SOX5: variants seen among roughly 807,000 people sequenced by gnomAD.
SOX5 encodes SRY-box transcription factor 5.
A neutral mutation model predicts 92.0 loss-of-function variants in SOX5; 9 were observed. That is an observed-to-expected ratio of 0.10 (90% CI 0.06 to 0.17). SOX5 has a LOEUF of 0.17. Ranked by LOEUF, SOX5 falls within the 10% of genes least tolerant of loss-of-function variation. SOX5 has a pLI of 1.00. For missense variants in SOX5, 642 were observed against 944.5 expected (o/e 0.68, Z 4.20); for synonymous variants, 344 against 336.3 (o/e 1.02, Z -0.25).
intron 4 of SOX5, among the ~76,000 whole-genome samples, chr12:24,146,737 G>GAAAAAAAAA (rs71059979): frequency 2.5e-5 from 3 of 119,426 alleles, no homozygotes; most frequent in African/African-American, 9.3e-5. Context: ...TGGTCAGGAG[G>GAAAAAAAAA]AAAAAAAAAA....
intron 1 of SOX5, among the ~76,000 whole-genome samples, chr12:23,909,948 G>GT (rs952301365): frequency 1.4e-4 from 21 of 150,074 alleles, no homozygotes; most frequent in Admixed American, 9.3e-4. Context: ...CTTTTTTTTT[G>GT]TTTTTTGTTT....
chr12:24,423,543 G>A (rs984299350), intron 1 of SOX5, among the ~76,000 whole-genome samples: 9 of 152,120 alleles, frequency 5.9e-5, no homozygotes, highest in Admixed American at 1.3e-4. Context: ...CCTTCTACAC[G>A]GAGCATTTCA....
intron 2 of SOX5, among the ~76,000 whole-genome samples, chr12:23,858,680 C>G (rs889285094): frequency 6.6e-6 from 1 of 152,140 alleles, no homozygotes; most frequent in Non-Finnish European, 1.5e-5. Flanking sequence ...TTTGACTCAG[C>G]AATCCTATTA....
At chr12:23,835,183 C>T (rs1481261157) in intron 3 of SOX5, among the ~76,000 whole-genome samples, 6 of 151,698 alleles carry the variant, frequency 4.0e-5, no homozygotes, top group Non-Finnish European at 8.8e-5. Flanking sequence ...TAGTCGGTTG[C>T]CTTCGATTTG....
intron 6 of SOX5, among the ~76,000 whole-genome samples, chr12:23,715,861 C>A (rs1319790127): frequency 7.1e-6 from 1 of 139,924 alleles, no homozygotes; most frequent in African/African-American, 2.7e-5. Flanking sequence ...GCTAACAAAT[C>A]AGTTAACAAT....
At chr12:24,261,540 C>T (rs1158562602) in intron 3 of SOX5, among the ~76,000 whole-genome samples, 1 of 152,158 alleles carries the variant, frequency 6.6e-6, no homozygotes, top group Non-Finnish European at 1.5e-5. Context: ...ATCTTTGAGG[C>T]CATAAACACA....
chr12:24,034,506 A>G (rs1445587274), intron 4 of SOX5, among the ~76,000 whole-genome samples: 1 of 150,964 alleles, frequency 6.6e-6, no homozygotes, highest in African/African-American at 2.4e-5. Context: ...ACCAATAACT[A>G]TTTCACTTCT....
intron 1 of SOX5, among the ~76,000 whole-genome samples, chr12:24,490,128 G>A (rs1391470357): frequency 6.6e-6 from 1 of 152,166 alleles, no homozygotes; most frequent in Non-Finnish European, 1.5e-5. Flanking sequence ...ATAAAACAAT[G>A]ACACAGAACA....
rs185145438 is a variant in SOX5, at chr12:24,501,584, G to C, written c.-251+60745C>G. On this transcript the variant is annotated intron_variant, in intron 1 of 4. Coordinates refer to the SOX5 transcript ENST00000446891. Reference sequence around the variant, plus strand: ...CTCACACCTGTGATTCCAACACTTTGGGAGGCTGAGGTGAGCGGATTGCTT... The same window carrying C: ...CTCACACCTGTGATTCCAACACTTTCGGAGGCTGAGGTGAGCGGATTGCTT... Among the ~76,000 whole-genome samples the C allele has an allele frequency of 1.1e-4, 17 of 152,236 alleles. No homozygotes were observed. The East Asian group carries it at 2.1e-3, about 19-fold the overall frequency.
chr12:24,540,525 A>T (rs1228199019), intron 1 of SOX5, among the ~76,000 whole-genome samples: 1 of 152,168 alleles, frequency 6.6e-6, no homozygotes, highest in Non-Finnish European at 1.5e-5. Flanking sequence ...TCATAATTTG[A>T]AAGTCAATTT....
intron 3 of SOX5, among the ~76,000 whole-genome samples, chr12:23,801,284 G>A (rs2095655091): frequency 6.6e-6 from 1 of 152,026 alleles, no homozygotes; most frequent in Admixed American, 6.6e-5. Context: ...GGGACCAATA[G>A]AAGAGAAAGA....
intron 2 of SOX5, among the ~76,000 whole-genome samples, chr12:24,321,109 T>C (rs1950179648): frequency 6.6e-6 from 1 of 152,182 alleles, no homozygotes; most frequent in Non-Finnish European, 1.5e-5. Context: ...ATGAGAATGT[T>C]AGCCAGGGTT....
chr12:24,068,731 T>TATATATATACAC (rs1569532018), intron 4 of SOX5, among the ~76,000 whole-genome samples: 1 of 92,074 alleles, frequency 1.1e-5, no homozygotes, highest in African/African-American at 4.2e-5. Context: ...TATATATATA[T>TATATATATACAC]ATATATATAT....
chr12:24,334,375 C>T (rs1329735063), intron 2 of SOX5, among the ~76,000 whole-genome samples: 2 of 151,830 alleles, frequency 1.3e-5, no homozygotes, highest in Admixed American at 6.6e-5. Flanking sequence ...TATTCTATAT[C>T]CCCCAAAAAA....
At chr12:23,652,777 A>G (rs1455229577) in intron 7 of SOX5, among the ~76,000 whole-genome samples, 1 of 152,032 alleles carries the variant, frequency 6.6e-6, no homozygotes, top group East Asian at 1.9e-4. Context: ...TTCTATTATA[A>G]GAGCTTCTCA....
At chr12:23,809,480 T>C (rs1286602106) in intron 3 of SOX5, among the ~76,000 whole-genome samples, 1 of 152,000 alleles carries the variant, frequency 6.6e-6, no homozygotes, top group African/African-American at 2.4e-5. Context: ...TTAAAAAAAA[T>C]TATAAAGTAG....
chr12:24,230,107 T>A (rs1338676352), intron 3 of SOX5, among the ~76,000 whole-genome samples: 3 of 152,144 alleles, frequency 2.0e-5, no homozygotes, highest in Non-Finnish European at 4.4e-5. Flanking sequence ...TTGAATTACC[T>A]CCCAATAGGC....
intron 6 of SOX5, among the ~76,000 whole-genome samples, chr12:23,698,632 T>C (rs1169503349): frequency 1.3e-5 from 2 of 152,182 alleles, no homozygotes; most frequent in Non-Finnish European, 2.9e-5. Flanking sequence ...CTATGCCACT[T>C]TTGATTATTT....
intron 4 of SOX5, among the ~76,000 whole-genome samples, chr12:23,956,276 G>GA (rs35229509): frequency 0.24 from 36,521 of 151,974 alleles, 4,647 homozygotes; most frequent in Middle Eastern, 0.29. Context: ...TGGCTAAGCT[G>GA]AAAGTTAGGA....
Sources: gnomAD v4.1 joint callset for allele counts (sites outside exome capture counted in the v4.1 genomes callset) on GRCh38, gnomAD v4.1.1 for gene constraint, MANE v1.5 for transcripts, NCBI Gene and HGNC (gene_info 2026-07-23, HGNC 2026-07-21) for gene names.